SLC8A1: variants seen among roughly 807,000 people sequenced by gnomAD.
SLC8A1 encodes sodium/calcium exchanger 1.
SLC8A1 carries 18 observed loss-of-function variants against 68.3 expected under a neutral mutation model. That is an observed-to-expected ratio of 0.26 (90% CI 0.18 to 0.39). The LOEUF (loss-of-function observed/expected upper bound fraction) is 0.39. Among genes scored for constraint, SLC8A1 ranks in the 10% least tolerant of loss-of-function variants. The pLI, the probability that SLC8A1 is intolerant of heterozygous loss-of-function variation, is 1.00. For synonymous variants in SLC8A1, 475 were observed against 415.5 expected (o/e 1.14, Z -1.74); for missense variants, 985 against 1,156.7 (o/e 0.85, Z 2.15).
chr2:40,447,990 G>A (rs548417357), intron 1 of SLC8A1, among the ~76,000 whole-genome samples: 2 of 152,284 alleles, frequency 1.3e-5, no homozygotes, highest in East Asian at 3.9e-4. Context: ...TCTTGGCTGG[G>A]CAGATCAAAG....
chr2:40,419,929 G>A (rs1695008164), intron 2 of SLC8A1, among the ~76,000 whole-genome samples: 1 of 151,996 alleles, frequency 6.6e-6, no homozygotes, highest in South Asian at 2.1e-4. Context: ...TAATTTGCCG[G>A]CAAAAGGTAA....
intron 2 of SLC8A1, among the ~76,000 whole-genome samples, chr2:40,229,413 A>T (rs945608757): frequency 1.5e-5 from 2 of 130,190 alleles, no homozygotes; most frequent in African/African-American, 5.1e-5. Context: ...GAAAACACTT[A>T]AAAAAAATCT....
chr2:40,298,226 T>TA (rs1256252540), intron 2 of SLC8A1, among the ~76,000 whole-genome samples: 1 of 152,214 alleles, frequency 6.6e-6, no homozygotes. Flanking sequence ...TGACTGAGGC[T>TA]AATTAGTGTG....
chr2:40,187,428 T>C (rs1438445673), intron 2 of SLC8A1, among the ~76,000 whole-genome samples: 2 of 151,990 alleles, frequency 1.3e-5, no homozygotes, highest in Non-Finnish European at 2.9e-5. Flanking sequence ...CAAATGGTTA[T>C]TGAAATCATT....
chr2:40,272,727 C>T (rs1043870911), intron 2 of SLC8A1, among the ~76,000 whole-genome samples: 1 of 152,212 alleles, frequency 6.6e-6, no homozygotes, highest in Non-Finnish European at 1.5e-5. Flanking sequence ...TTCTTGTTCA[C>T]CGCTGTTCTT....
intron 2 of SLC8A1, among the ~76,000 whole-genome samples, chr2:40,344,187 A>G (rs1039548662): frequency 1.3e-5 from 2 of 152,166 alleles, no homozygotes; most frequent in Admixed American, 1.3e-4. Context: ...TTCCACTAGA[A>G]CTATTTAAAA....
chr2:40,236,134 AG>A (rs1204915739), intron 2 of SLC8A1, among the ~76,000 whole-genome samples: 2 of 152,062 alleles, frequency 1.3e-5, no homozygotes, highest in Admixed American at 6.6e-5. Context: ...TGCAGAGCTG[AG>A]TTCAATTCCT....
At chr2:40,142,599 C>T (rs918820732) in intron 6 of SLC8A1, among the ~76,000 whole-genome samples, 8 of 151,978 alleles carry the variant, frequency 5.3e-5, no homozygotes, top group Middle Eastern at 3.2e-3. Flanking sequence ...ATTTTGAAGA[C>T]GAACAAGAGA....
In SLC8A1 at chr2:40,172,803, G is replaced by A. The variant is rs140101815; in HGVS notation, c.1930+2022C>T. On this transcript the variant is annotated intron_variant, in intron 4 of 7. Coordinates refer to ENST00000406785, the Ensembl canonical transcript of SLC8A1. ...TAAAAATACAAAAAATTAGCTAGGC[G>A]TGGTGGCACGTGCCTGTAGTCCCAG... Among the ~76,000 whole-genome samples the A allele has an allele frequency of 5.3e-5, 8 of 152,120 alleles. No homozygotes were observed. The East Asian group carries it at 1.2e-3, about 22-fold the overall frequency.
intron 2 of SLC8A1, among the ~76,000 whole-genome samples, chr2:40,200,261 T>A (rs1199473659): frequency 1.3e-5 from 1 of 78,106 alleles, no homozygotes; most frequent in African/African-American, 5.2e-5. Context: ...TATATATATA[T>A]ATATATAACC....
At chr2:40,162,332 A>G (rs2045828545) in intron 5 of SLC8A1, among the ~76,000 whole-genome samples, 1 of 152,210 alleles carries the variant, frequency 6.6e-6, no homozygotes. Flanking sequence ...TGCCTTGTAG[A>G]ATGTAATAAG....
At chr2:40,280,331 T>C (rs990354472) in intron 2 of SLC8A1, among the ~76,000 whole-genome samples, 2 of 148,524 alleles carry the variant, frequency 1.3e-5, no homozygotes, top group African/African-American at 5.0e-5. Context: ...TGTCACAGGA[T>C]AAAACATCTG....
At chr2:40,476,752 G>T (rs1335844939) in intron 1 of SLC8A1, among the ~76,000 whole-genome samples, 10 of 152,170 alleles carry the variant, frequency 6.6e-5, no homozygotes, top group African/African-American at 2.4e-4. Flanking sequence ...ATAGCTCAGG[G>T]ATAGATCATA....
chr2:40,295,528 G>T (rs1260690730), intron 2 of SLC8A1, among the ~76,000 whole-genome samples: 1 of 152,168 alleles, frequency 6.6e-6, no homozygotes, highest in Non-Finnish European at 1.5e-5. Flanking sequence ...TAGTAAAGAA[G>T]TGGGAAATTT....
chr2:40,415,759 C>T (rs2149718557), intron 2 of SLC8A1, among the ~76,000 whole-genome samples: 1 of 151,840 alleles, frequency 6.6e-6, no homozygotes, highest in Non-Finnish European at 1.5e-5. Context: ...GGGTGGGTCA[C>T]CTGAGGTCAG....
intron 2 of SLC8A1, among the ~76,000 whole-genome samples, chr2:40,328,647 T>C (rs2076095867): frequency 6.6e-6 from 1 of 152,196 alleles, no homozygotes; most frequent in Admixed American, 6.6e-5. Flanking sequence ...CTGAACTCTT[T>C]CTGTGGTCTC....
At chr2:40,247,282 C>T (rs959656128) in intron 2 of SLC8A1, among the ~76,000 whole-genome samples, 5 of 152,164 alleles carry the variant, frequency 3.3e-5, no homozygotes, top group African/African-American at 9.7e-5. Context: ...CTCAGCTTGG[C>T]TTAGTTCTAC....
exon 8 of SLC8A1, chr2:40,112,669 A>AAT (rs1436725273): frequency 9.2e-5 from 14 of 152,416 alleles, no homozygotes; most frequent in South Asian, 2.1e-4. Context: ...AAAAAAAAAA[A>AAT]AAATAAGGAT....
At chr2:40,220,648 G>A (rs191552323) in intron 2 of SLC8A1, among the ~76,000 whole-genome samples, 1 of 152,274 alleles carries the variant, frequency 6.6e-6, no homozygotes, top group African/African-American at 2.4e-5. Context: ...AGAATGTGCA[G>A]TTTTATGTCT....
Sources: allele counts gnomAD v4.1 joint callset (sites outside exome capture counted in the v4.1 genomes callset), GRCh38; gene constraint gnomAD v4.1.1; transcripts MANE v1.5; gene names NCBI Gene and HGNC (gene_info 2026-07-23, HGNC 2026-07-21).